Variants in ERC1 observed in about 807,000 individuals in gnomAD.
ERC1 encodes ELKS/RAB6-interacting/CAST family member 1, also known as RAB6 interacting protein 2.
ERC1 carries 56 observed loss-of-function variants against 132.0 expected under a neutral mutation model. The ratio of observed to expected loss-of-function variants is 0.42; its 90% CI spans 0.34 to 0.53. The LOEUF is 0.53. Ranked by LOEUF, ERC1 falls within the 20% of genes least tolerant of loss-of-function variation. ERC1 has a pLI of 0.03. For missense variants in ERC1, 1,202 were observed against 1,349.9 expected (o/e 0.89, Z 1.72); for synonymous variants, 478 against 476.1 (o/e 1.00, Z -0.05).
intron 18 of ERC1, among the ~76,000 whole-genome samples, chr12:1,477,899 C>T (rs1043060421): frequency 7.9e-5 from 12 of 152,306 alleles, no homozygotes; most frequent in Non-Finnish European, 1.5e-4. Flanking sequence ...ATCATGTTTA[C>T]GAATTGTATC....
intron 15 of ERC1, among the ~76,000 whole-genome samples, chr12:1,290,216 G>A (rs564952476): frequency 2.0e-5 from 3 of 152,138 alleles, no homozygotes; most frequent in Admixed American, 2.0e-4. Flanking sequence ...CCTCTTTAAT[G>A]ATTTTTAAAT....
chr12:1,067,203 A>G (rs566477667), intron 2 of ERC1, among the ~76,000 whole-genome samples: 40 of 152,338 alleles, frequency 2.6e-4, no homozygotes, highest in African/African-American at 9.6e-4. Flanking sequence ...GGCAACCACT[A>G]AATTGTTTTT....
rs59619383 is a variant in ERC1, at chr12:1,480,092, C to CT, written c.3214-9986dup. Among the ~76,000 whole-genome samples the CT allele has an allele frequency of 3.4e-3, 476 of 138,268 alleles. 1 individual carries two copies. Among genetic ancestry groups the CT allele is most frequent in the East Asian group, 5.4e-3 (25 of 4,624 alleles). 90.7% of individuals were successfully genotyped at this position (138,268 alleles called of 152,430 possible). On this transcript the variant is annotated intron_variant, in intron 18 of 18. Transcript: ENST00000360905. ...TAAAGTAAGGTTTGGTGGAAAGGGG[C>CT]TTTTTTTTTTTTTTTAAATAAAATC...
At chr12:1,466,789 G>A (rs758492809) in intron 18 of ERC1, among the ~76,000 whole-genome samples, 1 of 152,134 alleles carries the variant, frequency 6.6e-6, no homozygotes, top group Non-Finnish European at 1.5e-5. Context: ...GAGACATAAA[G>A]CCATAAAATA....
chr12:1,484,042 A>C (rs1420125649), intron 18 of ERC1, among the ~76,000 whole-genome samples: 1 of 148,572 alleles, frequency 6.7e-6, no homozygotes, highest in Non-Finnish European at 1.5e-5. Flanking sequence ...GTGGTGGCTC[A>C]CGCCTGTAAT....
At chr12:1,284,410 A>G (rs1356625029) in intron 14 of ERC1, among the ~76,000 whole-genome samples, 1 of 152,014 alleles carries the variant, frequency 6.6e-6, no homozygotes, top group Non-Finnish European at 1.5e-5. Flanking sequence ...GGGAGTGCAA[A>G]TATCTATTTG....
intron 2 of ERC1, among the ~76,000 whole-genome samples, chr12:1,043,543 A>C (rs1970620020): frequency 6.6e-6 from 1 of 152,186 alleles, no homozygotes; most frequent in African/African-American, 2.4e-5. Flanking sequence ...TCTAGGATTT[A>C]GGGTGGAGAG....
chr12:1,033,847 C>G (rs1194530252), intron 2 of ERC1, among the ~76,000 whole-genome samples: 3 of 152,152 alleles, frequency 2.0e-5, no homozygotes, highest in Non-Finnish European at 4.4e-5. Flanking sequence ...CCAGGCTGGT[C>G]TCGAACTCCT....
intron 12 of ERC1, among the ~76,000 whole-genome samples, chr12:1,195,351 CT>C (rs1956122203): frequency 6.6e-6 from 1 of 152,136 alleles, no homozygotes; most frequent in Non-Finnish European, 1.5e-5. Context: ...CAGTTTCTCC[CT>C]TTTGCCTTAA....
chr12:999,689 G>A (rs1472804782), intron 1 of ERC1, among the ~76,000 whole-genome samples: 5 of 135,578 alleles, frequency 3.7e-5, no homozygotes, highest in Non-Finnish European at 7.6e-5. Flanking sequence ...TCCGCCTCCC[G>A]GGTTCAAACG....
chr12:1,317,352 C>T (rs9739515), intron 15 of ERC1, among the ~76,000 whole-genome samples: 1 of 151,836 alleles, frequency 6.6e-6, no homozygotes, highest in Admixed American at 6.6e-5. Context: ...GGAGCTGAAC[C>T]GTGAGAACAC....
rs1949870331 is a variant in ERC1, at chr12:1,141,608, C to T, written c.1570-12C>T. 2 of 1,590,152 alleles carry T rather than the reference C, an allele frequency of 1.3e-6. No homozygotes were observed. Among genetic ancestry groups the T allele is most frequent in the Middle Eastern group, 1.7e-4 (1 of 5,932 alleles). On this transcript the variant is annotated splice_polypyrimidine_tract_variant and intron_variant, in intron 7 of 18. Transcript: ENST00000360905. ...TTTTAATTCATCACTTGTAAAACTCCTACATTCTTAGGTGGATGCTCTCCG... is the reference window on the plus strand; with the variant it reads ...TTTTAATTCATCACTTGTAAAACTCTTACATTCTTAGGTGGATGCTCTCCG...
chr12:1,202,766 G>A lies in ERC1; in HGVS notation c.2351+12714G>A, dbSNP rs73025605. On this transcript the variant is annotated intron_variant, in intron 12 of 18. Coordinates refer to ENST00000360905, the MANE Select transcript of ERC1 (RefSeq NM_178040.4). ...ATTAAAGTTGCTCTCTGGCAGGAATGCATTCCATTTTTTCCCATGGATTTA... is the reference window on the plus strand; with the variant it reads ...ATTAAAGTTGCTCTCTGGCAGGAATACATTCCATTTTTTCCCATGGATTTA... 4.2e-3 allele frequency among the ~76,000 whole-genome samples: 643 copies of A among 152,304 alleles called. 4 individuals are homozygous for A. The highest frequency in any genetic ancestry group is 7.0e-3 in the Non-Finnish European group (474 of 68,034).
intron 13 of ERC1, among the ~76,000 whole-genome samples, chr12:1,258,142 T>A (rs1300988408): frequency 6.6e-6 from 1 of 152,184 alleles, no homozygotes; most frequent in African/African-American, 2.4e-5. Context: ...TCAAATTAAG[T>A]GTGGCATGTC....
chr12:1,162,126 G>A (rs1401736726), intron 8 of ERC1, among the ~76,000 whole-genome samples: 3 of 152,202 alleles, frequency 2.0e-5, no homozygotes, highest in Non-Finnish European at 4.4e-5. Context: ...ATGCACTAGG[G>A]TAACCCAGTG....
At chr12:1,330,193 C>T (rs1450241589) in intron 15 of ERC1, among the ~76,000 whole-genome samples, 1 of 152,176 alleles carries the variant, frequency 6.6e-6, no homozygotes, top group Non-Finnish European at 1.5e-5. Flanking sequence ...TCAGATAGCA[C>T]AGAAAGGCCT....
intron 12 of ERC1, among the ~76,000 whole-genome samples, chr12:1,199,635 G>C (rs911812976): frequency 6.6e-6 from 1 of 151,820 alleles, no homozygotes; most frequent in Non-Finnish European, 1.5e-5. Context: ...AAAATTAGCC[G>C]GGCATGGTGG....
intron 16 of ERC1, among the ~76,000 whole-genome samples, chr12:1,389,534 A>G (rs1398202202): frequency 6.6e-6 from 1 of 152,342 alleles, no homozygotes. Flanking sequence ...TCTACTGGAT[A>G]TGCATTGCTA....
intron 17 of ERC1, among the ~76,000 whole-genome samples, chr12:1,438,952 A>ATATATATATATATATATAT (rs1555093159): frequency 7.0e-5 from 8 of 114,960 alleles, no homozygotes; most frequent in African/African-American, 2.9e-4. Context: ...AATTTAAAAA[A>ATATATATATATATATATAT]AAATATATAT....
Sources: gnomAD v4.1 joint callset for allele counts (sites outside exome capture counted in the v4.1 genomes callset) on GRCh38, gnomAD v4.1.1 for gene constraint, MANE v1.5 for transcripts, NCBI Gene and HGNC (gene_info 2026-07-23, HGNC 2026-07-21) for gene names.